Variants in SLF1 observed in about 807,000 individuals in gnomAD.
SLF1 encodes SMC5/6 complex localization factor 1.
A neutral mutation model predicts 123.0 loss-of-function variants in SLF1; 105 were observed. The ratio of observed to expected loss-of-function variants is 0.85; its 90% CI spans 0.73 to 1.00. The LOEUF is 1.00. SLF1 is among the 50% of genes least tolerant of loss of function. The probability of loss-of-function intolerance (pLI) is 0.00; values close to 1 mark genes in which losing one functional copy is unlikely to be tolerated. For missense variants in SLF1, 1,239 were observed against 1,223.0 expected (o/e 1.01, Z -0.20); for synonymous variants, 434 against 406.6 (o/e 1.07, Z -0.81).
chr5:94,634,186 T>G (rs1267894705), intron 4 of SLF1, among the ~76,000 whole-genome samples: 1 of 152,252 alleles, frequency 6.6e-6, no homozygotes, highest in African/African-American at 2.4e-5. Context: ...TTGCTTTATT[T>G]ATACTGAATT....
chr5:94,652,288 C>T (rs1360940703), intron 7 of SLF1, among the ~76,000 whole-genome samples: 4 of 152,146 alleles, frequency 2.6e-5, no homozygotes, highest in African/African-American at 4.8e-5. Context: ...GGATTACAGG[C>T]GTGAGCCACT....
chr5:94,678,682 T>C, intron 14 of SLF1, 126 bp from the exon 15 acceptor site: 1 of 776,122 alleles, frequency 1.3e-6, no homozygotes, highest in Non-Finnish European at 2.0e-6. Context: ...AGAATACCTT[T>C]AATCATTACA....
At chr5:94,656,711 T>C (rs1436625698) in intron 9 of SLF1, among the ~76,000 whole-genome samples, 1 of 151,846 alleles carries the variant, frequency 6.6e-6, no homozygotes, top group Non-Finnish European at 1.5e-5. Context: ...TCTTGGTAGG[T>C]TATATGTGTC....
chr5:94,678,768 T>C lies in SLF1; in HGVS notation c.1828-40T>C, dbSNP rs778481319. ...ATAAATACTAACAGAAATTCAATAT[T>C]GTAATATATTTTAGTAATTTTTTTG... On this transcript the variant is annotated intron_variant, in intron 14 of 20. Coordinates refer to ENST00000265140, the MANE Select transcript of SLF1 (RefSeq NM_032290.4). 12 of 1,510,838 alleles carry C rather than the reference T, an allele frequency of 7.9e-6. No individual in the cohort carries two copies. In the South Asian group the frequency reaches 1.4e-4, roughly 18 times the overall value. The allele number at this position is 1,510,838 out of a possible 1,614,324, so 93.6% of individuals were successfully genotyped here. A position where few individuals can be genotyped will look rare whatever the true frequency, so the allele number is the denominator to read the frequency against.
At chr5:94,658,886 T>C (rs1412446199) in intron 9 of SLF1, among the ~76,000 whole-genome samples, 1 of 149,028 alleles carries the variant, frequency 6.7e-6, no homozygotes, top group Non-Finnish European at 1.5e-5. Flanking sequence ...CTTGATCTAG[T>C]CTATTGCTGA....
At chr5:94,656,878 T>C (rs577690395) in intron 9 of SLF1, among the ~76,000 whole-genome samples, 73 of 151,522 alleles carry the variant, frequency 4.8e-4, no homozygotes, top group African/African-American at 1.6e-3. Context: ...TTGTCTTTGT[T>C]AGTCTTGCTA....
intron 9 of SLF1, 116 bp from the exon 10 acceptor site, chr5:94,662,182 T>C (rs1749202729): frequency 8.7e-6 from 6 of 687,430 alleles, no homozygotes; most frequent in Non-Finnish European, 1.3e-5. Flanking sequence ...ATATTAATTA[T>C]AGCTATTAAT....
chr5:94,688,712 C>T, intron 17 of SLF1, 43 bp downstream of exon 17: 1 of 1,596,758 alleles, frequency 6.3e-7, no homozygotes, highest in Non-Finnish European at 8.6e-7. Flanking sequence ...TTTTGGAGTA[C>T]AGCTCTTTCT....
chr5:94,640,449 G>A (rs1270179437), intron 4 of SLF1, among the ~76,000 whole-genome samples: 1 of 151,904 alleles, frequency 6.6e-6, no homozygotes, highest in African/African-American at 2.4e-5. Flanking sequence ...ATTATGATGT[G>A]TAGTAGAGTG....
intron 15 of SLF1, among the ~76,000 whole-genome samples, chr5:94,682,311 A>G (rs1751888621): frequency 6.6e-6 from 1 of 152,128 alleles, no homozygotes; most frequent in African/African-American, 2.4e-5. Context: ...TTTGAAATTC[A>G]TTGTCTGCCA....
At chr5:94,653,519 C>T in intron 8 of SLF1, 98 bp downstream of exon 8, 1 of 1,094,692 alleles carries the variant, frequency 9.1e-7, no homozygotes, top group Admixed American at 3.7e-5. Flanking sequence ...AAGAAAAAAT[C>T]TTGAGTCAAT....
At chr5:94,673,281 G>C (rs1207021999) in intron 14 of SLF1, among the ~76,000 whole-genome samples, 56 of 152,094 alleles carry the variant, frequency 3.7e-4, no homozygotes, top group Admixed American at 3.7e-3. Context: ...TACCTCACTA[G>C]ATTTTGGCCT....
chr5:94,653,532 G>T, intron 8 of SLF1, 111 bp downstream of exon 8: 2 of 921,100 alleles, frequency 2.2e-6, no homozygotes, highest in Non-Finnish European at 3.1e-6. Flanking sequence ...GAGTCAATCT[G>T]GTGTAATATT....
At chr5:94,686,761 G>A in intron 16 of SLF1, 43 bp downstream of exon 16, 1 of 1,551,112 alleles carries the variant, frequency 6.4e-7, no homozygotes, top group Non-Finnish European at 8.7e-7. Context: ...TTCAAGAAGT[G>A]AGTTCACAAA....
rs1753486933 is a variant in SLF1, at chr5:94,695,933, ATC to A, written c.*623_*624del. ...CAGAGTCTGACAGTTCAATTCCTTGATCTGTTTTATTTTAGCAATTCATATAC... is the reference window on the plus strand; with the variant it reads ...CAGAGTCTGACAGTTCAATTCCTTGATGTTTTATTTTAGCAATTCATATAC... On this transcript the variant is annotated 3_prime_UTR_variant, in exon 21 of 21. Coordinates refer to ENST00000265140, the MANE Select transcript of SLF1 (RefSeq NM_032290.4). 6.6e-6 allele frequency: 1 copy of A among 151,784 alleles called. No homozygotes were observed. Among genetic ancestry groups the A allele is most frequent in the African/African-American group, 2.4e-5 (1 of 41,390 alleles). 9.4% of individuals were successfully genotyped at this position (151,784 alleles called of 1,614,324 possible).
chr5:94,641,924 C>T (rs992488661), intron 4 of SLF1, among the ~76,000 whole-genome samples: 3 of 152,200 alleles, frequency 2.0e-5, no homozygotes, highest in South Asian at 2.1e-4. Context: ...TGTATTGATA[C>T]AAGACCTGGG....
chr5:94,673,834 A>ATT (rs951325261), intron 14 of SLF1, among the ~76,000 whole-genome samples: 9 of 147,354 alleles, frequency 6.1e-5, no homozygotes, highest in African/African-American at 2.0e-4. Flanking sequence ...TTGAGGTACT[A>ATT]TTTTTTTTTT....
rs776828314 is a variant in SLF1, at chr5:94,649,569, C to G, written c.710C>G (p.Ala237Gly). 5 of 1,525,318 alleles carry G rather than the reference C, an allele frequency of 3.3e-6. No individual in the cohort carries two copies. The highest frequency in any genetic ancestry group is 2.5e-5 in the South Asian group (2 of 79,938). 94.5% of individuals were successfully genotyped at this position (1,525,318 alleles called of 1,614,324 possible). ...GCAGGATTTCTTGAAATGAAAGGTG[C>G]CTTAAGAGAGACCATGTATAGAACC... ...KDAGFLEMKG[A>G]LRETMYRTQK... Residue 237 changes from alanine to glycine, a missense_variant, in exon 6 of 21, where the codon GCC (alanine) becomes GGC (glycine). Ala to Gly is a moderately conservative substitution (Grantham distance 60, BLOSUM62 0). Transcript: ENST00000265140.
At chr5:94,631,013 A>G (rs1380933654) in intron 4 of SLF1, among the ~76,000 whole-genome samples, 1 of 151,978 alleles carries the variant, frequency 6.6e-6, no homozygotes, top group East Asian at 1.9e-4. Flanking sequence ...ACAAAAAAGG[A>G]AAACTAATTG....
Sources: allele counts gnomAD v4.1 joint callset (sites outside exome capture counted in the v4.1 genomes callset), GRCh38; gene constraint gnomAD v4.1.1; transcripts MANE v1.5; gene names NCBI Gene and HGNC (gene_info 2026-07-23, HGNC 2026-07-21).